Variants in ACSS1 observed in about 807,000 individuals in gnomAD.
ACSS1 encodes acyl-CoA synthetase short chain family member 1.
In ACSS1, 42 loss-of-function variants were observed where a neutral mutation model predicts 75.3. The ratio of observed to expected loss-of-function variants is 0.56; its 90% CI spans 0.44 to 0.72. The LOEUF is 0.72. ACSS1 is among the 30% of genes least tolerant of loss of function. The probability of loss-of-function intolerance (pLI) is 0.00; values close to 1 mark genes in which losing one functional copy is unlikely to be tolerated. For synonymous variants in ACSS1, 380 were observed against 376.8 expected, an observed-to-expected ratio of 1.01 and a Z score of -0.10; for missense variants, 782 against 935.7, an observed-to-expected ratio of 0.84 and a Z score of 2.14.
At chr20:25,047,474 A>G (rs1568849137) in intron 2 of ACSS1, among the ~76,000 whole-genome samples, 1 of 152,208 alleles carries the variant, frequency 6.6e-6, no homozygotes, top group Non-Finnish European at 1.5e-5. Context: ...AACATACTGC[A>G]GCCCATACTG....
At chr20:25,014,829 G>C (rs1003052142) in intron 8 of ACSS1, among the ~76,000 whole-genome samples, 5 of 152,190 alleles carry the variant, frequency 3.3e-5, no homozygotes, top group African/African-American at 1.2e-4. Flanking sequence ...CTGCACACCA[G>C]GCCTTGGGCA....
At chr20:25,057,734 T>G in intron 1 of ACSS1, 35 bp downstream of exon 1, 2 of 1,516,828 alleles carry the variant, frequency 1.3e-6, no homozygotes, top group Non-Finnish European at 8.9e-7. Context: ...GACCCAAGAG[T>G]TGGGGGCGTC....
At position 25,013,615 on chromosome 20, in the gene ACSS1, G is replaced by A. The variant is rs980305461; in HGVS notation, c.1500C>T (p.Ser500=). 5 of 1,610,226 alleles carry A rather than the reference G, an allele frequency of 3.1e-6. No individual in the cohort carries two copies. Among genetic ancestry groups the A allele is most frequent in the Middle Eastern group, 1.7e-4 (1 of 6,036 alleles). Residue 500 remains serine (S), a synonymous_variant, in exon 10 of 14, where the codon TCC becomes TCT. Transcript: ENST00000323482. ...GSNVSGALCI[S]QAWPGMARTI... ...TCCTGGCCATGCCCGGCCAGGCCTG[G>A]GAGATGCACAGGGCCCCGGAGACGT...
chr20:25,019,346 T>C (rs186938653), intron 7 of ACSS1, among the ~76,000 whole-genome samples: 1 of 152,216 alleles, frequency 6.6e-6, no homozygotes, highest in Non-Finnish European at 1.5e-5. Flanking sequence ...AATGTTTCCA[T>C]GTGATTTGGC....
intron 7 of ACSS1, among the ~76,000 whole-genome samples, chr20:25,017,659 T>A (rs190473983): frequency 1.1e-4 from 16 of 152,374 alleles, no homozygotes; most frequent in African/African-American, 3.8e-4. Context: ...GCTGGCCCCC[T>A]GGCTCAGAGG....
chr20:25,031,335 G>A (rs543021269), intron 2 of ACSS1, among the ~76,000 whole-genome samples: 3 of 152,252 alleles, frequency 2.0e-5, no homozygotes, highest in Non-Finnish European at 1.5e-5. Context: ...GTCATAAGAT[G>A]TTTACAGCTG....
intron 1 of ACSS1, among the ~76,000 whole-genome samples, chr20:25,050,124 T>C (rs916458512): frequency 3.3e-5 from 5 of 152,046 alleles, no homozygotes; most frequent in African/African-American, 4.8e-5. Flanking sequence ...GCCAACGTGG[T>C]CCCTAGGCTG....
intron 8 of ACSS1, 98 bp downstream of exon 8, chr20:25,015,040 C>G: frequency 4.7e-6 from 5 of 1,064,496 alleles, no homozygotes; most frequent in Admixed American, 2.5e-5. Context: ...CGTCTTCTAT[C>G]GCACCTGCTG....
intron 3 of ACSS1, among the ~76,000 whole-genome samples, chr20:25,028,599 C>T (rs570821618): frequency 5.3e-5 from 8 of 152,220 alleles, no homozygotes; most frequent in African/African-American, 1.9e-4. Flanking sequence ...TACCTCACAC[C>T]CTGTACAAAA....
intron 2 of ACSS1, among the ~76,000 whole-genome samples, chr20:25,047,609 G>T (rs1200739354): frequency 2.0e-5 from 3 of 152,128 alleles, no homozygotes; most frequent in African/African-American, 7.2e-5. Flanking sequence ...CAGTTTAGGG[G>T]CACAGTGGGC....
At chr20:25,032,654 G>A (rs2088846940) in intron 2 of ACSS1, 1 of 1,220,018 alleles carries the variant, frequency 8.2e-7, no homozygotes, top group Non-Finnish European at 1.0e-6. Flanking sequence ...AAGGCCGCTC[G>A]CAGCGTGTTT....
chr20:25,018,962 GGAACAAGTGGT>G (rs1400679450), intron 7 of ACSS1, among the ~76,000 whole-genome samples: 1 of 152,184 alleles, frequency 6.6e-6, no homozygotes, highest in East Asian at 1.9e-4. Flanking sequence ...CTCACATTTG[GGAACAAGTGGT>G]GAGCTCTGCA....
At chr20:25,032,708 C>A in intron 2 of ACSS1, 1 of 1,166,640 alleles carries the variant, frequency 8.6e-7, no homozygotes, top group Non-Finnish European at 1.1e-6. Flanking sequence ...GAAAGGGCTC[C>A]CGAGAACAGT....
intron 2 of ACSS1, among the ~76,000 whole-genome samples, chr20:25,044,803 G>T (rs574498042): frequency 6.6e-6 from 1 of 152,218 alleles, no homozygotes; most frequent in African/African-American, 2.4e-5. Flanking sequence ...GGGGAGAAGG[G>T]CTGCCTCAGC....
chr20:25,055,050 G>A (rs1454807305), intron 1 of ACSS1, among the ~76,000 whole-genome samples: 1 of 152,168 alleles, frequency 6.6e-6, no homozygotes, highest in Non-Finnish European at 1.5e-5. Context: ...ATCCTCCTCT[G>A]TTCAGCTCAT....
chr20:25,040,454 G>A (rs1013211201), intron 2 of ACSS1, among the ~76,000 whole-genome samples: 6 of 152,248 alleles, frequency 3.9e-5, no homozygotes, highest in African/African-American at 1.4e-4. Flanking sequence ...AGAGAGCACA[G>A]CCACTTGGCA....
intron 7 of ACSS1, among the ~76,000 whole-genome samples, chr20:25,016,365 C>T (rs532982075): frequency 6.6e-6 from 1 of 152,306 alleles, no homozygotes; most frequent in African/African-American, 2.4e-5. Context: ...CACTTAACAT[C>T]TGTACCCTTT....
chr20:25,009,527 C>A, intron 12 of ACSS1, 139 bp from the exon 13 acceptor site: 1 of 707,138 alleles, frequency 1.4e-6, no homozygotes, highest in Non-Finnish European at 2.4e-6. Context: ...CAGCTGGTTT[C>A]TTTAGTTGCA....
chr20:25,022,978 G>C lies in ACSS1; in HGVS notation c.922C>G (p.Gln308Glu). 6.2e-7 allele frequency: 1 copy of C among 1,614,076 alleles called. No individual in the cohort carries two copies. The highest frequency in any genetic ancestry group is 8.5e-7 in the Non-Finnish European group (1 of 1,180,018). Residue 308 changes from glutamine (Q) to glutamate (E), a missense_variant, in exon 5 of 14, where the codon CAG (glutamine) becomes GAG (glutamate). Physicochemically the swap from Gln to Glu is conservative, Grantham distance 29. Coordinates refer to ENST00000323482, the MANE Select transcript of ACSS1 (RefSeq NM_032501.4). ...TGMPKGIVHT[Q>E]AGYLLYAALT... is the part of the protein sequence containing the mutation. ...GCGGCATAGAGCAGGTAGCCTGCCT[G>C]GGTATGGACGATGCCCTTGGGCATT...
Sources: allele counts gnomAD v4.1 joint callset (sites outside exome capture counted in the v4.1 genomes callset), GRCh38; gene constraint gnomAD v4.1.1; transcripts MANE v1.5; gene names NCBI Gene and HGNC (gene_info 2026-07-23, HGNC 2026-07-21).